Variants in WWP1 observed in about 807,000 individuals in gnomAD.
The protein encoded by WWP1 is WW domain containing E3 ubiquitin protein ligase 1, also known as NEDD4-like E3 ubiquitin-protein ligase WWP1.
In WWP1, 49 loss-of-function variants were observed where a neutral mutation model predicts 130.6. The ratio of observed to expected loss-of-function variants is 0.38; its 90% confidence interval spans 0.30 to 0.48. The LOEUF is 0.48. Among genes scored for constraint, WWP1 ranks in the 20% least tolerant of loss-of-function variants. WWP1 has a pLI of 0.99. For missense variants in WWP1, 809 were observed against 1,100.6 expected (o/e 0.74, Z 3.75); for synonymous variants, 332 against 367.8 (o/e 0.90, Z 1.11).
intron 5 of WWP1, among the ~76,000 whole-genome samples, chr8:86,382,422 G>A (rs1825034409): frequency 6.6e-6 from 1 of 151,922 alleles, no homozygotes; most frequent in African/African-American, 2.4e-5. Flanking sequence ...GTTCTAGCTG[G>A]GGGTGGTGGC....
At chr8:86,343,457 C>T (rs543521186) in intron 1 of WWP1, 2 of 150,870 alleles carry the variant, frequency 1.3e-5, no homozygotes, top group South Asian at 4.2e-4. Flanking sequence ...CCCACCTCCA[C>T]CTTTTGTGAC....
rs554295434 is a variant in WWP1, at chr8:86,468,374, T to C, written c.*1481T>C. The C allele has an allele frequency of 1.8e-4, 80 of 453,688 alleles. No homozygotes were observed. Among genetic ancestry groups the C allele is most frequent in the South Asian group, 1.3e-3 (80 of 63,462 alleles). 28.1% of individuals were successfully genotyped at this position (453,688 alleles called of 1,614,324 possible). Reference sequence around the variant, plus strand: ...AAAGGCAGAGATCTGCTTGGTTGAATAGACTCCTTTTCCAAATCCTTATTA... The same window carrying C: ...AAAGGCAGAGATCTGCTTGGTTGAACAGACTCCTTTTCCAAATCCTTATTA... On this transcript the variant is annotated 3_prime_UTR_variant, in exon 25 of 25. Coordinates refer to ENST00000517970, the MANE Select transcript of WWP1 (RefSeq NM_007013.4).
chr8:86,462,094 T>A (rs1484320767), intron 24 of WWP1, among the ~76,000 whole-genome samples: 3 of 152,202 alleles, frequency 2.0e-5, no homozygotes, highest in African/African-American at 7.2e-5. Context: ...TAAAGTAAGA[T>A]GTAAGTATTC....
Position 86,466,957 on chromosome 8 carries a change from G to T in WWP1, c.*64G>T. Reference sequence around the variant, plus strand: ...TACCCCAGCCAAGAAAAATTGCACAGATAGTGTATATAAGCTGTTCATTCT... The same window carrying T: ...TACCCCAGCCAAGAAAAATTGCACATATAGTGTATATAAGCTGTTCATTCT... On this transcript the variant is annotated 3_prime_UTR_variant, in exon 25 of 25. Coordinates refer to ENST00000517970, the MANE Select transcript of WWP1 (RefSeq NM_007013.4). 8.2e-7 allele frequency: 1 copy of T among 1,219,802 alleles called. No homozygotes were observed. Among genetic ancestry groups the T allele is most frequent in the East Asian group, 2.3e-5 (1 of 42,682 alleles). The allele number at this position is 1,219,802 out of a possible 1,614,324, so 75.6% of individuals were successfully genotyped here.
At chr8:86,372,804 T>G (rs1824403423) in intron 2 of WWP1, among the ~76,000 whole-genome samples, 1 of 152,168 alleles carries the variant, frequency 6.6e-6, no homozygotes, top group African/African-American at 2.4e-5. Context: ...AGACATTTAT[T>G]TATCTTAGTG....
Position 86,342,827 on chromosome 8 carries a change from G to T in WWP1, c.-218G>T, listed in dbSNP as rs1485476298. On this transcript the variant is annotated 5_prime_UTR_variant, in exon 1 of 25. Coordinates refer to ENST00000517970, the MANE Select transcript of WWP1 (RefSeq NM_007013.4). The stretch of plus-strand genomic sequence containing the variant: ...GGTGGCTGCTGCCGCCGCGCCTGCT[G>T]CGAGATGGCGATCTTGGGCGCGGAA... The T allele has an allele frequency of 1.1e-5, 4 of 369,150 alleles. No homozygotes were observed. In the East Asian group the frequency reaches 1.2e-4, roughly 11 times the overall value. The allele number at this position is 369,150 out of a possible 1,614,324, so 22.9% of individuals were successfully genotyped here. A position where few individuals can be genotyped will look rare whatever the true frequency, so the allele number is the denominator to read the frequency against.
intron 1 of WWP1, among the ~76,000 whole-genome samples, chr8:86,357,105 G>A (rs1416287095): frequency 6.6e-6 from 1 of 152,102 alleles, no homozygotes; most frequent in East Asian, 1.9e-4. Context: ...GATGGTTTCT[G>A]TGTATTTCAT....
chr8:86,374,301 A>G (rs112871318), intron 3 of WWP1, among the ~76,000 whole-genome samples, 181 bp downstream of exon 3: 1,536 of 152,340 alleles, frequency 0.01, 24 homozygotes, highest in African/African-American at 0.035. Context: ...GTAAATATTT[A>G]TTGAACCTAT....
chr8:86,362,063 C>CAT (rs35467457), intron 1 of WWP1, among the ~76,000 whole-genome samples: 76,849 of 131,600 alleles, frequency 0.58, 23,850 homozygotes, highest in African/African-American at 0.72. Flanking sequence ...TATATACACA[C>CAT]ATATATATAC....
intron 3 of WWP1, among the ~76,000 whole-genome samples, chr8:86,379,600 G>GAT (rs1310414285): frequency 2.6e-4 from 39 of 152,246 alleles, no homozygotes; most frequent in African/African-American, 9.4e-4. Flanking sequence ...CCAGAAAGTA[G>GAT]ATAGTCCCTG....
In WWP1 at chr8:86,352,824, G is replaced by A. The variant is rs112766145; in HGVS notation, c.-115+9894G>A. Among the ~76,000 whole-genome samples, 880 of 152,294 alleles carry A rather than the reference G, an allele frequency of 5.8e-3. 5 individuals carry two copies. The highest frequency in any genetic ancestry group is 0.02 in the African/African-American group (820 of 41,554). On this transcript the variant is annotated intron_variant, in intron 1 of 24. Coordinates refer to ENST00000517970, the MANE Select transcript of WWP1 (RefSeq NM_007013.4). ...TACAGGGTGATTACAGTGAGGAGTA[G>A]GCAAGAGAAATGATACTGCAAAGAG...
At chr8:86,465,098 G>A (rs1811975557) in intron 24 of WWP1, among the ~76,000 whole-genome samples, 1 of 152,136 alleles carries the variant, frequency 6.6e-6, no homozygotes, top group Admixed American at 6.5e-5. Flanking sequence ...AAGGAATTGG[G>A]AGAATTGTTA....
intron 1 of WWP1, among the ~76,000 whole-genome samples, chr8:86,345,706 G>A (rs569207999): frequency 2.0e-5 from 3 of 152,044 alleles, no homozygotes; most frequent in South Asian, 2.1e-4. Context: ...CCACCCTGCC[G>A]GGCCTACTGG....
intron 3 of WWP1, among the ~76,000 whole-genome samples, chr8:86,379,052 T>G (rs1031294621): frequency 3.3e-5 from 5 of 152,232 alleles, no homozygotes; most frequent in African/African-American, 7.2e-5. Flanking sequence ...ATCCCTCTGC[T>G]TTTAACACCA....
intron 2 of WWP1, among the ~76,000 whole-genome samples, chr8:86,372,998 TA>T (rs1824416102): frequency 6.6e-6 from 1 of 151,716 alleles, no homozygotes; most frequent in African/African-American, 2.4e-5. Flanking sequence ...TTTAAGGCTA[TA>T]AATTTGCCTC....
chr8:86,422,333 AT>A (rs1809275653), intron 9 of WWP1, among the ~76,000 whole-genome samples: 1 of 72,696 alleles, frequency 1.4e-5, no homozygotes, highest in South Asian at 5.0e-4. Flanking sequence ...TTATTTATTT[AT>A]TTATTTATTT....
intron 1 of WWP1, among the ~76,000 whole-genome samples, chr8:86,344,363 A>G (rs1822440841): frequency 6.6e-6 from 1 of 152,232 alleles, no homozygotes; most frequent in African/African-American, 2.4e-5. Context: ...TGTCGCAGAT[A>G]AAGTTTCTGC....
chr8:86,398,431 T>G lies in WWP1; in HGVS notation c.424T>G (p.Leu142Val). 6.2e-7 allele frequency: 1 copy of G among 1,612,858 alleles called. No homozygotes were observed. The highest frequency in any genetic ancestry group is 8.5e-7 in the Non-Finnish European group (1 of 1,179,238). Reference sequence around the variant, plus strand: ...TGAATTGACAGTTGTGCTTGATGGATTGGTGATTGAGCAAGAAAATATAAC... The same window carrying G: ...TGAATTGACAGTTGTGCTTGATGGAGTGGTGATTGAGCAAGAAAATATAAC... ...TGELTVVLDG[L>V]VIEQENITNC... Residue 142 changes from leucine (L) to valine (V), a missense_variant, in exon 6 of 25, where the codon TTG (leucine) becomes GTG (valine). This residue lies in a region of WWP1 where 262 missense variants were observed against 346.0 expected (regional missense o/e 0.76). Transcript: ENST00000517970.
intron 20 of WWP1, among the ~76,000 whole-genome samples, chr8:86,450,553 C>G (rs1302948466): frequency 3.3e-5 from 5 of 152,168 alleles, no homozygotes; most frequent in African/African-American, 9.7e-5. Context: ...TAAAATTTCA[C>G]TATGTAAGAT....
Sources: gnomAD v4.1 joint callset for allele counts (sites outside exome capture counted in the v4.1 genomes callset) on GRCh38, gnomAD v4.1.1 for gene constraint, gnomAD v4.1.1 regional missense constraint, MANE v1.5 for transcripts, NCBI Gene and HGNC (gene_info 2026-07-23, HGNC 2026-07-21) for gene names.